DCAF1: variants seen among roughly 807,000 people sequenced by gnomAD.
DCAF1 encodes DDB1 and CUL4 associated factor 1.
Under a neutral mutation model 128.0 loss-of-function variants are expected in DCAF1, and 15 were observed. The ratio of observed to expected loss-of-function variants is 0.12; its 90% CI spans 0.08 to 0.18. The LOEUF is 0.18. DCAF1 is among the 10% of genes least tolerant of loss of function. The probability of loss-of-function intolerance (pLI) is 1.00; values close to 1 mark genes in which losing one functional copy is unlikely to be tolerated. For missense variants in DCAF1, 988 were observed against 1,649.5 expected (o/e 0.60, Z 6.95); for synonymous variants, 610 against 603.0 (o/e 1.01, Z -0.17).
intron 2 of DCAF1, among the ~76,000 whole-genome samples, chr3:51,487,044 T>C (rs1360416263): frequency 6.6e-6 from 1 of 151,918 alleles, no homozygotes; most frequent in African/African-American, 2.4e-5. Context: ...CTCAGCTCAC[T>C]ATAACCTCCA....
At chr3:51,428,658 GA>G (rs1331708657) in intron 12 of DCAF1, among the ~76,000 whole-genome samples, 1 of 152,106 alleles carries the variant, frequency 6.6e-6, no homozygotes, top group Non-Finnish European at 1.5e-5. Flanking sequence ...TTTCAGAAAA[GA>G]AATTCTGCAC....
At position 51,441,905 on chromosome 3, in the gene DCAF1, C is replaced by T; in HGVS notation, c.514-8G>A. The T allele has an allele frequency of 6.3e-7, 1 of 1,579,452 alleles. No individual in the cohort carries two copies. On this transcript the variant is annotated splice_polypyrimidine_tract_variant and splice_region_variant and intron_variant, in intron 7 of 24. Coordinates refer to ENST00000684031, the MANE Select transcript of DCAF1 (RefSeq NM_001387579.1). The stretch of plus-strand genomic sequence containing the variant: ...TCGAAGCACTATTGCCACCTATCAA[C>T]AGATAATTGGAGAAAAAGGGGGTGC...
chr3:51,407,824 C>A (rs1440204960), intron 23 of DCAF1, among the ~76,000 whole-genome samples: 1 of 151,740 alleles, frequency 6.6e-6, no homozygotes, highest in African/African-American at 2.4e-5. Flanking sequence ...CCCATCTCTA[C>A]TAAAAATACA....
intron 6 of DCAF1, among the ~76,000 whole-genome samples, chr3:51,459,646 C>T (rs1226978560): frequency 1.3e-5 from 2 of 152,146 alleles, no homozygotes; most frequent in African/African-American, 4.8e-5. Flanking sequence ...AACATCGATG[C>T]AAAAATCCTC....
intron 4 of DCAF1, among the ~76,000 whole-genome samples, chr3:51,469,441 G>C (rs550819113): frequency 3.8e-4 from 57 of 151,764 alleles, no homozygotes; most frequent in East Asian, 2.0e-4. Flanking sequence ...TGTTGGTCAG[G>C]CTGGTCGCAA....
chr3:51,423,005 C>T (rs9784248), intron 13 of DCAF1, among the ~76,000 whole-genome samples: 61 of 151,690 alleles, frequency 4.0e-4, no homozygotes, highest in African/African-American at 1.5e-3. Flanking sequence ...GAAGTTGAGG[C>T]TGTGGTGAGC....
rs576112125 is a variant in DCAF1, at chr3:51,474,115, A to T, written c.111-3110T>A. ...TGAGCCACCACATCTGGCCCCTTCC[A>T]GTCTTAAGAATTAAACTCTCCTGGC... On this transcript the variant is annotated intron_variant, in intron 3 of 24. Coordinates refer to ENST00000684031, the MANE Select transcript of DCAF1 (RefSeq NM_001387579.1). Among the ~76,000 whole-genome samples, 8 of 151,598 alleles carry T rather than the reference A, an allele frequency of 5.3e-5. 1 individual carries two copies. The South Asian group carries it at 1.7e-3, about 32-fold the overall frequency.
At position 51,414,852 on chromosome 3, in the gene DCAF1, A is replaced by G; in HGVS notation, c.3609T>C (p.Tyr1203=). The change falls in exon 19 of 25, where the codon TAT becomes TAC. Residue 1203 remains tyrosine (Y), a synonymous_variant. Coordinates refer to ENST00000684031, the MANE Select transcript of DCAF1 (RefSeq NM_001387579.1). ...ACAGCTTGTTGCCAGTCTGAATATC[A>G]TAAATCTTTAGAGAAGAAGGGATGG... ...IGTKGDIAHI[Y]DIQTGNKLLT... 1 of 1,613,108 alleles carries G rather than the reference A, an allele frequency of 6.2e-7. No homozygotes were observed. The highest frequency in any genetic ancestry group is 8.5e-7 in the Non-Finnish European group (1 of 1,179,170).
At chr3:51,474,382 T>C (rs1705174047) in intron 3 of DCAF1, among the ~76,000 whole-genome samples, 1 of 152,134 alleles carries the variant, frequency 6.6e-6, no homozygotes, top group African/African-American at 2.4e-5. Flanking sequence ...ATCGTGCCAT[T>C]GCACTCCAGC....
intron 13 of DCAF1, among the ~76,000 whole-genome samples, chr3:51,423,580 G>A (rs1349402593): frequency 1.3e-5 from 2 of 151,614 alleles, no homozygotes; most frequent in Non-Finnish European, 2.9e-5. Context: ...CAATTTGGGA[G>A]GCTGAGGCAG....
chr3:51,406,015 C>G (rs1392111496), intron 23 of DCAF1, among the ~76,000 whole-genome samples: 1 of 151,916 alleles, frequency 6.6e-6, no homozygotes, highest in Non-Finnish European at 1.5e-5. Context: ...GCCTGGGCAA[C>G]AGAGTGAGAT....
intron 6 of DCAF1, among the ~76,000 whole-genome samples, chr3:51,453,963 A>T (rs1702615550): frequency 6.6e-6 from 1 of 152,096 alleles, no homozygotes; most frequent in South Asian, 2.1e-4. Context: ...AAAAAAAAAA[A>T]ACAAGCAAGC....
chr3:51,409,160 G>C (rs1249098099), intron 23 of DCAF1, among the ~76,000 whole-genome samples: 3 of 152,136 alleles, frequency 2.0e-5, no homozygotes, highest in African/African-American at 7.2e-5. Flanking sequence ...AAGTTAAGCA[G>C]GACAAAAGAA....
intron 6 of DCAF1, among the ~76,000 whole-genome samples, chr3:51,459,019 G>A (rs1703241565): frequency 6.6e-6 from 1 of 152,062 alleles, no homozygotes; most frequent in African/African-American, 2.4e-5. Context: ...AAAAGCAAGA[G>A]CAAACACATT....
intron 6 of DCAF1, among the ~76,000 whole-genome samples, chr3:51,461,863 G>C (rs1363087374): frequency 6.6e-6 from 1 of 152,030 alleles, no homozygotes; most frequent in South Asian, 2.1e-4. Context: ...ATTGAACAAT[G>C]AGAACACATG....
chr3:51,496,110 G>T (rs911494723), intron 2 of DCAF1, among the ~76,000 whole-genome samples: 8 of 152,026 alleles, frequency 5.3e-5, no homozygotes, highest in Non-Finnish European at 1.0e-4. Context: ...TGACTAATAT[G>T]GAGAAACCCT....
intron 6 of DCAF1, among the ~76,000 whole-genome samples, chr3:51,462,745 C>CAAAA (rs10715121): frequency 5.0e-5 from 4 of 79,322 alleles, no homozygotes; most frequent in Non-Finnish European, 7.9e-5. Flanking sequence ...GACACCATCT[C>CAAAA]AAAAAAAAAA....
rs1553632286 is a variant in DCAF1, at chr3:51,420,763, T to C, written c.2207A>G (p.Lys736Arg). 4 of 1,614,094 alleles carry C rather than the reference T, an allele frequency of 2.5e-6. No homozygotes were observed. Among genetic ancestry groups the C allele is most frequent in the African/African-American group, 1.3e-5 (1 of 75,074 alleles). The change falls in exon 15 of 25, where the codon AAG (lysine) becomes AGG (arginine). Residue 736 changes from lysine (K) to arginine (R), a missense_variant. This residue lies in a region of DCAF1 where 76 missense variants were observed against 186.9 expected (regional missense o/e 0.41). Coordinates refer to ENST00000684031, the MANE Select transcript of DCAF1 (RefSeq NM_001387579.1). This position sits in a 1 kb window ranked among gnomAD's most constrained non-coding sequence, Gnocchi z 6.5. ...WNVVQSNNGIKVLLSLLSIKM... is the reference protein window; with the variant it reads ...WNVVQSNNGIRVLLSLLSIKM... ...AATGGACAGTAAGGACAGGAGCACC[T>C]TGATGCCGTTGTTGGACTGAACCAC...
chr3:51,465,976 A>G lies in DCAF1; in HGVS notation c.261+827T>C, dbSNP rs559074610. Among the ~76,000 whole-genome samples the G allele has an allele frequency of 4.6e-5, 7 of 152,230 alleles. No homozygotes were observed. In the South Asian group the frequency reaches 1.4e-3, roughly 32 times the overall value. ...CACTTTGGGAGGCCAAGGTGGGTGG[A>G]TAACTTGAGGTCAGGAATTTGAGAC... On this transcript the variant is annotated intron_variant, in intron 5 of 24. Coordinates refer to ENST00000684031, the MANE Select transcript of DCAF1 (RefSeq NM_001387579.1).
Sources: allele counts gnomAD v4.1 joint callset (sites outside exome capture counted in the v4.1 genomes callset), GRCh38; gene constraint gnomAD v4.1.1; regional missense constraint gnomAD v4.1.1; non-coding constraint Gnocchi (gnomAD v3.1); transcripts MANE v1.5; gene names NCBI Gene and HGNC (gene_info 2026-07-23, HGNC 2026-07-21).